Variants in STK10 observed in about 807,000 individuals in gnomAD.
STK10 encodes serine/threonine kinase 10.
A neutral mutation model predicts 113.8 loss-of-function variants in STK10; 78 were observed. That is an observed-to-expected ratio of 0.69 (90% CI 0.57 to 0.83). The LOEUF is 0.83. STK10 is among the 40% of genes least tolerant of loss of function. The probability of loss-of-function intolerance (pLI) is 0.00; values close to 1 mark genes in which losing one functional copy is unlikely to be tolerated. For synonymous variants in STK10, 465 were observed against 494.7 expected, an observed-to-expected ratio of 0.94 and a Z score of 0.80; for missense variants, 1,109 against 1,280.1, an observed-to-expected ratio of 0.87 and a Z score of 2.04.
At chr5:172,105,981 G>A (rs951158271) in intron 6 of STK10, among the ~76,000 whole-genome samples, 14 of 152,344 alleles carry the variant, frequency 9.2e-5, no homozygotes, top group African/African-American at 3.1e-4. Context: ...ACTCAGCAGT[G>A]CCGGGATTTG....
intron 2 of STK10, among the ~76,000 whole-genome samples, chr5:172,141,551 C>T (rs961906135): frequency 3.3e-5 from 5 of 150,468 alleles, no homozygotes; most frequent in Non-Finnish European, 7.4e-5. Context: ...TACATACACT[C>T]CAGCCTGTGT....
At chr5:172,053,091 C>G (rs1306236765) in intron 17 of STK10, 49 bp from the exon 18 acceptor site, 1 of 1,511,848 alleles carries the variant, frequency 6.6e-7, no homozygotes, top group Non-Finnish European at 9.2e-7. Context: ...AGACGCAGGC[C>G]CTGAAGACTG....
chr5:172,076,135 T>C (rs924564267), intron 12 of STK10, among the ~76,000 whole-genome samples: 1 of 151,108 alleles, frequency 6.6e-6, no homozygotes, highest in Non-Finnish European at 1.5e-5. Flanking sequence ...AGTTCTTTGT[T>C]GTGGGGGCTG....
At chr5:172,169,928 CTGA>C (rs1770635123) in intron 1 of STK10, among the ~76,000 whole-genome samples, 1 of 152,136 alleles carries the variant, frequency 6.6e-6, no homozygotes, top group African/African-American at 2.4e-5. Context: ...CCTTCGTTTC[CTGA>C]TGAAGACATA....
chr5:172,082,176 G>A lies in STK10; in HGVS notation c.1989+150C>T. 1 of 797,378 alleles carries A rather than the reference G, an allele frequency of 1.3e-6. No homozygotes were observed. The highest frequency in any genetic ancestry group is 1.8e-6 in the Non-Finnish European group (1 of 559,640). The allele number at this position is 797,378 out of a possible 1,614,324, so 49.4% of individuals were successfully genotyped here. A position where few individuals can be genotyped will look rare whatever the true frequency, so the allele number is the denominator to read the frequency against. On this transcript the variant is annotated intron_variant, in intron 12 of 18. Coordinates refer to ENST00000176763, the MANE Select transcript of STK10 (RefSeq NM_005990.4). The surrounding 1 kb of genome is among the most constrained non-coding windows in gnomAD (Gnocchi z 4.3). The stretch of plus-strand genomic sequence containing the variant: ...TGGAGAAGTGGCTCCTCATGGCGCA[G>A]CTTGGGCACACAGATCCAGGCTCAC...
At chr5:172,064,323 A>AT in intron 13 of STK10, 2 of 203,700 alleles carry the variant, frequency 9.8e-6, no homozygotes, top group South Asian at 2.0e-4. Flanking sequence ...CCCTCAGAGC[A>AT]TAACAGGACC....
At chr5:172,177,847 A>C (rs1770783985) in intron 1 of STK10, among the ~76,000 whole-genome samples, 1 of 151,874 alleles carries the variant, frequency 6.6e-6, no homozygotes. Context: ...TGTTTTGTTG[A>C]GACAGAGTCT....
chr5:172,111,722 C>T (rs1461248090), intron 4 of STK10, among the ~76,000 whole-genome samples: 2 of 152,146 alleles, frequency 1.3e-5, no homozygotes, highest in East Asian at 1.9e-4. Flanking sequence ...TCCCTTTCTC[C>T]GCTGTAATTT....
chr5:172,144,308 T>C (rs1016321254), intron 2 of STK10, among the ~76,000 whole-genome samples: 3 of 152,150 alleles, frequency 2.0e-5, no homozygotes, highest in Non-Finnish European at 4.4e-5. Context: ...GAAGCAGAGG[T>C]AGGCATGACC....
chr5:172,126,699 C>T (rs1309521458), intron 3 of STK10, among the ~76,000 whole-genome samples: 1 of 152,250 alleles, frequency 6.6e-6, no homozygotes, highest in African/African-American at 2.4e-5. Flanking sequence ...TAACATTTCA[C>T]TGTGATCATC....
chr5:172,166,325 A>G (rs11956182), intron 1 of STK10, among the ~76,000 whole-genome samples: 6,632 of 152,210 alleles, frequency 0.044, 498 homozygotes, highest in African/African-American at 0.15. Context: ...CTACCCGTAG[A>G]CTTCTCAGTT....
intron 12 of STK10, among the ~76,000 whole-genome samples, chr5:172,077,277 A>T (rs1351820783): frequency 2.0e-5 from 3 of 152,238 alleles, no homozygotes; most frequent in Non-Finnish European, 1.5e-5. Context: ...CGAGGGTTAC[A>T]ATTCTGTGGT....
At position 172,117,560 on chromosome 5, in the gene STK10, G is replaced by A. The variant is rs1322789656; in HGVS notation, c.441C>T (p.Phe147=). ...VCRQMLEALN[F]LHSKRIIHRD... is the part of the protein sequence containing the mutation. ...GGTGGATGATCCTCTTGCTGTGCAG[G>A]AAGTTGAGGGCTTCTAGCATCTGGC... Residue 147 remains phenylalanine, a synonymous_variant, in exon 4 of 19, where the codon TTC becomes TTT. Transcript: ENST00000176763. 6.2e-7 allele frequency: 1 copy of A among 1,613,954 alleles called. No homozygotes were observed.
At chr5:172,176,897 G>A (rs112767436) in intron 1 of STK10, among the ~76,000 whole-genome samples, 5,808 of 152,252 alleles carry the variant, frequency 0.038, 380 homozygotes, top group African/African-American at 0.13. Flanking sequence ...CCCAGAGGCC[G>A]GTGCGGTGGC....
At chr5:172,107,672 G>T in intron 5 of STK10, 108 bp downstream of exon 5, 2 of 621,816 alleles carry the variant, frequency 3.2e-6, no homozygotes, top group Admixed American at 7.5e-5. Flanking sequence ...CACGAGGCAG[G>T]GCGTGTAGCC....
At chr5:172,049,938 G>C (rs1318545990) in intron 18 of STK10, among the ~76,000 whole-genome samples, 1 of 152,174 alleles carries the variant, frequency 6.6e-6, no homozygotes, top group Non-Finnish European at 1.5e-5. Flanking sequence ...AAGTATCTGG[G>C]ATTACAGGCA....
At chr5:172,119,576 C>A (rs897113573) in intron 3 of STK10, among the ~76,000 whole-genome samples, 1 of 151,910 alleles carries the variant, frequency 6.6e-6, no homozygotes, top group Non-Finnish European at 1.5e-5. Context: ...ATATTATAAA[C>A]AAAATAGGCC....
At chr5:172,171,040 G>A (rs535841558) in intron 1 of STK10, among the ~76,000 whole-genome samples, 5 of 152,320 alleles carry the variant, frequency 3.3e-5, no homozygotes, top group South Asian at 2.1e-4. Context: ...CTTGGGGGTC[G>A]TGTCCATTCA....
intron 2 of STK10, among the ~76,000 whole-genome samples, chr5:172,144,371 T>C (rs1408123863): frequency 2.0e-5 from 3 of 152,040 alleles, no homozygotes; most frequent in Non-Finnish European, 4.4e-5. Flanking sequence ...GGGGCGGTGC[T>C]GGGAACCTCC....
Sources: gnomAD v4.1 joint callset for allele counts (sites outside exome capture counted in the v4.1 genomes callset) on GRCh38, gnomAD v4.1.1 for gene constraint, Gnocchi (gnomAD v3.1) non-coding constraint, MANE v1.5 for transcripts, NCBI Gene and HGNC (gene_info 2026-07-23, HGNC 2026-07-21) for gene names.